Variants in TMEM231 observed in about 807,000 individuals in gnomAD.
TMEM231 encodes the protein transmembrane protein 231.
In TMEM231, 40 loss-of-function variants were observed where a neutral mutation model predicts 38.5. The observed-to-expected ratio is 1.04, with a 90% CI of 0.81 to 1.35. TMEM231 has a LOEUF of 1.35. TMEM231 is among the 40% of genes most tolerant of loss of function. The pLI is 0.00. For synonymous variants in TMEM231, 199 were observed against 181.7 expected (o/e 1.10, Z -0.77); for missense variants, 420 against 416.9 (o/e 1.01, Z -0.07).
rs2080576134 is a variant in TMEM231, at chr16:75,537,830, C to T, written c.*2164G>A. On this transcript the variant is annotated 3_prime_UTR_variant, in exon 7 of 7. Coordinates refer to ENST00000258173, the MANE Select transcript of TMEM231 (RefSeq NM_001077418.3). ...TTGCAGCTATGCTGTGATTCAGAGT[C>T]AGAAACTATCAACATCTGGTCTGTA... is the stretch of plus-strand genomic sequence containing the variant. 6.6e-6 allele frequency: 1 copy of T among 152,188 alleles called. No homozygotes were observed. Among genetic ancestry groups the T allele is most frequent in the African/African-American group, 2.4e-5 (1 of 41,450 alleles). 9.4% of individuals were successfully genotyped at this position (152,188 alleles called of 1,614,324 possible).
rs548231964 is a variant in TMEM231, at chr16:75,538,413, G to C, written c.*1581C>G. On this transcript the variant is annotated 3_prime_UTR_variant, in exon 7 of 7. Transcript: ENST00000258173. Reference sequence around the variant, plus strand: ...GCAAACCAATGTTTATACGTATCTTGTCATCTTTCCATATCTCATTGCCTT... The same window carrying C: ...GCAAACCAATGTTTATACGTATCTTCTCATCTTTCCATATCTCATTGCCTT... The C allele has an allele frequency of 6.6e-6, 1 of 152,260 alleles. No individual in the cohort carries two copies. The highest frequency in any genetic ancestry group is 6.5e-5 in the Admixed American group (1 of 15,290). 9.4% of individuals were successfully genotyped at this position (152,260 alleles called of 1,614,324 possible).
At position 75,556,126 on chromosome 16, in the gene TMEM231, C is replaced by G. The variant is rs377416174; in HGVS notation, c.84G>C (p.Leu28=). The G allele has an allele frequency of 6.3e-7, 1 of 1,577,050 alleles. No individual in the cohort carries two copies. Among genetic ancestry groups the G allele is most frequent in the Non-Finnish European group, 8.6e-7 (1 of 1,163,380 alleles). Residue 28 remains leucine, a synonymous_variant, in exon 1 of 7, where the codon CTG becomes CTC. Coordinates refer to ENST00000258173, the MANE Select transcript of TMEM231 (RefSeq NM_001077418.3). ...GLCSKAALFL[L]LAAALTYIPP... is the part of the protein sequence containing the mutation. ...GGATGTACGTGAGCGCAGCGGCCAG[C>G]AGCAGGAACAGCGCGGCTTTGGAGC...
intron 4 of TMEM231, among the ~76,000 whole-genome samples, chr16:75,544,820 C>A (rs2080663881): frequency 6.6e-6 from 1 of 152,074 alleles, no homozygotes; most frequent in Non-Finnish European, 1.5e-5. Flanking sequence ...TTTTGTTTCT[C>A]TTCCCTTCTA....
At position 75,538,131 on chromosome 16, in the gene TMEM231, T is replaced by TTTTATTTA. The variant is rs201679912; in HGVS notation, c.*1855_*1862dup. ...TACATGTGATCTTCCATTTTGACTT[T>TTTTATTTA]TTTATTTATTTATTTATTTATTTTA... On this transcript the variant is annotated 3_prime_UTR_variant, in exon 7 of 7. Transcript: ENST00000258173. 9.9e-5 allele frequency: 15 copies of TTTTATTTA among 152,136 alleles called. No individual in the cohort carries two copies. The highest frequency in any genetic ancestry group is 6.2e-4 in the South Asian group (3 of 4,822). The allele number at this position is 152,136 out of a possible 1,614,324, so 9.4% of individuals were successfully genotyped here. A position where few individuals can be genotyped will look rare whatever the true frequency, so the allele number is the denominator to read the frequency against.
At chr16:75,546,166 T>C (rs940602666) in intron 2 of TMEM231, 1 of 1,470,606 alleles carries the variant, frequency 6.8e-7, no homozygotes, top group Admixed American at 2.1e-5. Context: ...TCTGGGCCTT[T>C]CAAATGTTCA....
chr16:75,551,427 C>G, intron 2 of TMEM231, among the ~76,000 whole-genome samples: 1 of 151,888 alleles, frequency 6.6e-6, no homozygotes, highest in East Asian at 1.9e-4. Context: ...CTCCTGAGCT[C>G]AAGGGGCTAG....
At chr16:75,552,590 A>T (rs2080775586) in intron 2 of TMEM231, among the ~76,000 whole-genome samples, 2 of 152,194 alleles carry the variant, frequency 1.3e-5, no homozygotes, top group South Asian at 4.1e-4. Context: ...CTTGCTCTCC[A>T]TTCAATTCAG....
intron 4 of TMEM231, among the ~76,000 whole-genome samples, chr16:75,545,015 G>A (rs1468141762): frequency 8.9e-5 from 13 of 146,516 alleles, no homozygotes; most frequent in African/African-American, 3.1e-4. Context: ...GAGTGCAGTG[G>A]CGAGATCTCA....
chr16:75,550,704 T>C (rs998348589), intron 2 of TMEM231, among the ~76,000 whole-genome samples: 1 of 150,562 alleles, frequency 6.6e-6, no homozygotes, highest in East Asian at 2.1e-4. Context: ...ATTTCATTCA[T>C]TTAAGTCGTA....
intron 2 of TMEM231, among the ~76,000 whole-genome samples, chr16:75,554,545 C>CAAAAAAAAAAAAAAAAA (rs1185694717): frequency 1.2e-4 from 11 of 94,002 alleles, no homozygotes; most frequent in Non-Finnish European, 1.9e-4. Flanking sequence ...GACTGTGTCT[C>CAAAAAAAAAAAAAAAAA]AAAAAAAAAA....
At position 75,541,405 on chromosome 16, in the gene TMEM231, C is replaced by G. The variant is rs139236786; in HGVS notation, c.715G>C (p.Ala239Pro). Residue 239 changes from alanine (A) to proline (P), a missense_variant, in exon 6 of 7, where the codon GCA (alanine) becomes CCA (proline). Coordinates refer to ENST00000258173, the MANE Select transcript of TMEM231 (RefSeq NM_001077418.3). ...GCATTAATCACAAATGGAGCATCTGCGGCCCTGCCCACCAGCCAGATGGGG... is the reference window on the plus strand; with the variant it reads ...GCATTAATCACAAATGGAGCATCTGGGGCCCTGCCCACCAGCCAGATGGGG... ...PNPIWLVGRA[A>P]DAPFVINAII... 4 of 1,611,808 alleles carry G rather than the reference C, an allele frequency of 2.5e-6. No homozygotes were observed. Among genetic ancestry groups the G allele is most frequent in the Non-Finnish European group, 3.4e-6 (4 of 1,178,726 alleles).
chr16:75,544,579 G>C (rs1028470653), intron 4 of TMEM231, among the ~76,000 whole-genome samples: 1 of 152,134 alleles, frequency 6.6e-6, no homozygotes, highest in Admixed American at 6.6e-5. Flanking sequence ...TAAAGGAGAT[G>C]ATATAGGTAA....
In TMEM231 at chr16:75,541,412, G is replaced by A. The variant is rs2080627367; in HGVS notation, c.708C>T (p.Gly236=). The A allele has an allele frequency of 6.2e-7, 1 of 1,612,182 alleles. No individual in the cohort carries two copies. The highest frequency in any genetic ancestry group is 8.5e-7 in the Non-Finnish European group (1 of 1,178,924). ...LNDPNPIWLV[G]RAADAPFVIN... ...TCACAAATGGAGCATCTGCGGCCCTGCCCACCAGCCAGATGGGGTTGGGAT... is the reference window on the plus strand; with the variant it reads ...TCACAAATGGAGCATCTGCGGCCCTACCCACCAGCCAGATGGGGTTGGGAT... Residue 236 remains glycine (G), a synonymous_variant, in exon 6 of 7, where the codon GGC becomes GGT. Transcript: ENST00000258173.
chr16:75,555,804 C>T lies in TMEM231; in HGVS notation c.309G>A (p.Ser103=), dbSNP rs2151710504. ...CCAGGCCCAGGCGGGAACCACGCAC[C>T]GAAACGAGCGGGACGCGCAGGCGAT... ...QGDRLRVPLV[S]TREEDRNQDG... Residue 103 remains serine, a splice_region_variant and synonymous_variant, in exon 2 of 7, where the codon TCG becomes TCA. Transcript: ENST00000258173. 6.5e-7 allele frequency: 1 copy of T among 1,533,428 alleles called. No individual in the cohort carries two copies. Among genetic ancestry groups the T allele is most frequent in the Admixed American group, 2.0e-5 (1 of 51,194 alleles). 95.0% of individuals were successfully genotyped at this position (1,533,428 alleles called of 1,614,324 possible). A position where few individuals can be genotyped will look rare whatever the true frequency, so the allele number is the denominator to read the frequency against.
At position 75,543,042 on chromosome 16, in the gene TMEM231, A is replaced by G. The variant is rs149172583; in HGVS notation, c.583-359T>C. The stretch of plus-strand genomic sequence containing the variant: ...CAGGTTTTAAAGCTATTTTTAAAAT[A>G]CCCCTCTTTATCTCAGCGGGAGAAA... On this transcript the variant is annotated intron_variant, in intron 4 of 6. Transcript: ENST00000258173. 3.8e-3 allele frequency among the ~76,000 whole-genome samples: 577 copies of G among 152,164 alleles called. 1 individual carries two copies. Among genetic ancestry groups the G allele is most frequent in the Middle Eastern group, 0.01 (3 of 294 alleles).
Position 75,539,927 on chromosome 16 carries a change from C to T in TMEM231, c.*67G>A. ...GTCCGCTGGGCTCTTTCAAAAGGTCCTAAGATGTTCCCAGAAGATGACAAT... is the reference window on the plus strand; with the variant it reads ...GTCCGCTGGGCTCTTTCAAAAGGTCTTAAGATGTTCCCAGAAGATGACAAT... On this transcript the variant is annotated 3_prime_UTR_variant, in exon 7 of 7. Coordinates refer to ENST00000258173, the MANE Select transcript of TMEM231 (RefSeq NM_001077418.3). 1 of 1,451,406 alleles carries T rather than the reference C, an allele frequency of 6.9e-7. No homozygotes were observed. Among genetic ancestry groups the T allele is most frequent in the Non-Finnish European group, 9.3e-7 (1 of 1,070,676 alleles). The allele number at this position is 1,451,406 out of a possible 1,614,324, so 89.9% of individuals were successfully genotyped here.
At chr16:75,543,792 C>T (rs940998007) in intron 4 of TMEM231, among the ~76,000 whole-genome samples, 7 of 152,130 alleles carry the variant, frequency 4.6e-5, no homozygotes, top group Non-Finnish European at 7.3e-5. Flanking sequence ...GACATTCAAA[C>T]AAAAAGTGCC....
At chr16:75,546,541 C>G (rs936413509) in intron 2 of TMEM231, among the ~76,000 whole-genome samples, 2 of 152,088 alleles carry the variant, frequency 1.3e-5, no homozygotes, top group African/African-American at 4.8e-5. Context: ...CTCCCAGGGT[C>G]AAGGAATTGT....
chr16:75,542,680 ATATCT>A lies in TMEM231; in HGVS notation c.583-2_585del, dbSNP rs2080640890. ...AAGGGGCTGGTCCCGTTGATCACGG[ATATCT>A]GGGACACGGGAGGAGGATGTGGTGT... On this transcript the variant is annotated splice_acceptor_variant and coding_sequence_variant, in exon 5 of 7. Transcript: ENST00000258173. LOFTEE classifies it high-confidence loss of function. 6.2e-7 allele frequency: 1 copy of A among 1,613,822 alleles called. No individual in the cohort carries two copies. Among genetic ancestry groups the A allele is most frequent in the East Asian group, 2.2e-5 (1 of 44,850 alleles).
Sources: gnomAD v4.1 joint callset for allele counts (sites outside exome capture counted in the v4.1 genomes callset) on GRCh38, gnomAD v4.1.1 for gene constraint, MANE v1.5 for transcripts, NCBI Gene and HGNC (gene_info 2026-07-23, HGNC 2026-07-21) for gene names.